CDH13: variants seen among roughly 807,000 people sequenced by gnomAD.
CDH13 encodes cadherin-13.
In CDH13, 24 loss-of-function variants were observed where a neutral mutation model predicts 63.8. The ratio of observed to expected loss-of-function variants is 0.38; its 90% confidence interval spans 0.27 to 0.53. The LOEUF is 0.53. Among genes scored for constraint, CDH13 ranks in the 20% least tolerant of loss-of-function variants. The pLI, the probability that CDH13 is intolerant of heterozygous loss-of-function variation, is 0.85. For missense variants in CDH13, 1,049 were observed against 903.1 expected (o/e 1.16, Z -2.07); for synonymous variants, 503 against 355.3 (o/e 1.42, Z -4.67).
intron 1 of CDH13, among the ~76,000 whole-genome samples, chr16:82,652,607 C>T (rs777270465): frequency 6.7e-6 from 1 of 149,536 alleles, no homozygotes; most frequent in African/African-American, 2.5e-5. Flanking sequence ...GGAAAATGAA[C>T]CAATCTAGAA....
chr16:83,469,651 G>T (rs563712973), intron 6 of CDH13, among the ~76,000 whole-genome samples: 1 of 152,218 alleles, frequency 6.6e-6, no homozygotes, highest in South Asian at 2.1e-4. Context: ...AGCAAAATGT[G>T]GCCAGTGGAA....
At chr16:83,632,533 G>T (rs8047973) in intron 8 of CDH13, among the ~76,000 whole-genome samples, 10 of 151,466 alleles carry the variant, frequency 6.6e-5, no homozygotes, top group African/African-American at 2.4e-4. Flanking sequence ...AGGAAGCTGA[G>T]GGTTAGAGAG....
intron 2 of CDH13, among the ~76,000 whole-genome samples, chr16:82,967,360 A>G (rs114895479): frequency 6.6e-6 from 1 of 152,100 alleles, no homozygotes; most frequent in Admixed American, 6.6e-5. Context: ...CAAATTCTAT[A>G]ATGATTTTTT....
At chr16:82,903,331 C>A (rs138886960) in intron 2 of CDH13, among the ~76,000 whole-genome samples, 1 of 152,328 alleles carries the variant, frequency 6.6e-6, no homozygotes, top group East Asian at 1.9e-4. Flanking sequence ...ACCATGCCAT[C>A]TACCTGCACC....
chr16:83,336,645 A>G (rs2090604272), intron 5 of CDH13, among the ~76,000 whole-genome samples: 1 of 152,206 alleles, frequency 6.6e-6, no homozygotes, highest in South Asian at 2.1e-4. Flanking sequence ...TATCATCTCA[A>G]AAAAGCTCTG....
At chr16:82,996,666 A>G (rs907137015) in intron 2 of CDH13, among the ~76,000 whole-genome samples, 6 of 152,210 alleles carry the variant, frequency 3.9e-5, no homozygotes, top group Non-Finnish European at 5.9e-5. Flanking sequence ...CAACTTGGAA[A>G]TATTAGGAAA....
intron 6 of CDH13, among the ~76,000 whole-genome samples, chr16:83,469,700 C>T (rs73601999): frequency 0.018 from 2,675 of 152,258 alleles, 53 homozygotes; most frequent in African/African-American, 0.055. Flanking sequence ...ATCCACAGCA[C>T]TAGCACAGGG....
rs78987580 is a variant in CDH13 at position 83,739,740 on chromosome 16, C to T, written c.1539-8368C>T. Among the ~76,000 whole-genome samples, 1,420 of 152,284 alleles carry T rather than the reference C, an allele frequency of 9.3e-3. 64 individuals are homozygous for T. The highest frequency in any genetic ancestry group is 0.068 in the Admixed American group (1,033 of 15,302). Reference sequence around the variant, plus strand: ...GAATGAGCACTTTAGAATTCTGGGTCACCCAGCACATGGGTCAACCAATGC... The same window carrying T: ...GAATGAGCACTTTAGAATTCTGGGTTACCCAGCACATGGGTCAACCAATGC... On this transcript the variant is annotated intron_variant, in intron 10 of 13. Transcript: ENST00000567109.
At chr16:83,479,703 T>C (rs571192955) in intron 6 of CDH13, among the ~76,000 whole-genome samples, 1 of 152,306 alleles carries the variant, frequency 6.6e-6, no homozygotes, top group South Asian at 2.1e-4. Context: ...ATCCTGGCAT[T>C]GGACTTTATA....
chr16:83,441,722 C>G (rs545289245), intron 6 of CDH13, among the ~76,000 whole-genome samples: 1 of 151,892 alleles, frequency 6.6e-6, no homozygotes, highest in Non-Finnish European at 1.5e-5. Flanking sequence ...TCCCTGAACC[C>G]GGATAGAAAC....
At chr16:83,085,458 A>G (rs1209054868) in intron 3 of CDH13, among the ~76,000 whole-genome samples, 1 of 152,150 alleles carries the variant, frequency 6.6e-6, no homozygotes, top group Non-Finnish European at 1.5e-5. Context: ...ATGTCTAGCT[A>G]TCATGTCAGC....
At chr16:83,435,207 C>T (rs532166713) in intron 6 of CDH13, among the ~76,000 whole-genome samples, 6 of 151,890 alleles carry the variant, frequency 4.0e-5, no homozygotes, top group African/African-American at 7.2e-5. Context: ...CTACCATGTC[C>T]GGCTAATTGT....
In CDH13 at chr16:82,794,430, T is replaced by TC. The variant is rs369048960; in HGVS notation, c.46-63931dup. On this transcript the variant is annotated intron_variant, in intron 1 of 13. Transcript: ENST00000567109. Reference sequence around the variant, plus strand: ...TTCTTTTCTTTTCTTTTGTTTTTTTTCTCCCTTGAGAGGGAAATCTAGGGG... The same window carrying TC: ...TTCTTTTCTTTTCTTTTGTTTTTTTTCCTCCCTTGAGAGGGAAATCTAGGGG... Among the ~76,000 whole-genome samples the TC allele has an allele frequency of 3.5e-3, 518 of 147,316 alleles. 10 individuals are homozygous for TC. Among genetic ancestry groups the TC allele is most frequent in the African/African-American group, 0.012 (491 of 41,222 alleles).
chr16:83,688,210 G>C (rs781111093), intron 10 of CDH13, among the ~76,000 whole-genome samples: 4 of 152,158 alleles, frequency 2.6e-5, no homozygotes, highest in Non-Finnish European at 4.4e-5. Flanking sequence ...GGGAAATTAA[G>C]CAAAAACCAT....
At position 83,332,681 on chromosome 16, in the gene CDH13, G is replaced by T. The variant is rs535330395; in HGVS notation, c.637-12181G>T. Reference sequence around the variant, plus strand: ...ATTCCATCATCCAAGAGTTATATAAGTTCTACTTGAACCAATTAAAATTTT... The same window carrying T: ...ATTCCATCATCCAAGAGTTATATAATTTCTACTTGAACCAATTAAAATTTT... On this transcript the variant is annotated intron_variant, in intron 5 of 13. Coordinates refer to ENST00000567109, the MANE Select transcript of CDH13 (RefSeq NM_001257.5). Among the ~76,000 whole-genome samples, 8 of 152,200 alleles carry T rather than the reference G, an allele frequency of 5.3e-5. No homozygotes were observed. The South Asian group carries it at 1.7e-3, about 32-fold the overall frequency.
intron 4 of CDH13, among the ~76,000 whole-genome samples, chr16:83,177,880 C>T (rs2038191742): frequency 6.6e-6 from 1 of 152,274 alleles, no homozygotes; most frequent in Non-Finnish European, 1.5e-5. Flanking sequence ...TCCCACCATG[C>T]TATAAACACA....
chr16:83,098,630 T>A (rs2034321865), intron 3 of CDH13, among the ~76,000 whole-genome samples: 1 of 152,202 alleles, frequency 6.6e-6, no homozygotes, highest in South Asian at 2.1e-4. Context: ...GGATACAGAA[T>A]TCTGAGTTGA....
At chr16:83,618,637 G>A (rs1334877966) in intron 8 of CDH13, among the ~76,000 whole-genome samples, 1 of 152,040 alleles carries the variant, frequency 6.6e-6, no homozygotes, top group African/African-American at 2.4e-5. Flanking sequence ...ACTGTAGTCT[G>A]CCAAGAGCCG....
intron 8 of CDH13, among the ~76,000 whole-genome samples, chr16:83,643,258 A>C (rs1424829196): frequency 1.5e-5 from 1 of 68,650 alleles, no homozygotes; most frequent in Non-Finnish European, 2.7e-5. Context: ...CAATGTGCAC[A>C]TGTACCCTAT....
Sources: gnomAD v4.1 joint callset for allele counts (sites outside exome capture counted in the v4.1 genomes callset) on GRCh38, gnomAD v4.1.1 for gene constraint, MANE v1.5 for transcripts, NCBI Gene and HGNC (gene_info 2026-07-23, HGNC 2026-07-21) for gene names.